Variants in DOCK8 observed in about 807,000 individuals in gnomAD.
DOCK8 encodes dedicator of cytokinesis protein 8.
DOCK8 carries 141 observed loss-of-function variants against 245.6 expected under a neutral mutation model. The observed-to-expected ratio is 0.57, with a 90% CI of 0.50 to 0.66. The LOEUF (loss-of-function observed/expected upper bound fraction) is 0.66. DOCK8 is among the 30% of genes least tolerant of loss of function. The pLI is 0.00. For missense variants in DOCK8, 2,965 were observed against 2,603.4 expected, an observed-to-expected ratio of 1.14 and a Z score of -3.02; for synonymous variants, 1,168 against 970.2, an observed-to-expected ratio of 1.20 and a Z score of -3.79.
intron 25 of DOCK8, among the ~76,000 whole-genome samples, chr9:397,443 C>T (rs530913135): frequency 6.6e-6 from 1 of 151,204 alleles, no homozygotes; most frequent in African/African-American, 2.4e-5. Context: ...AATCCCAGCA[C>T]TTTGGGAGGC....
chr9:450,062 C>A, intron 45 of DOCK8, 135 bp downstream of exon 45: 1 of 896,624 alleles, frequency 1.1e-6, no homozygotes, highest in Non-Finnish European at 1.7e-6. Flanking sequence ...TACACTTAAC[C>A]TGAACACCTG....
chr9:464,274 TG>T lies in DOCK8; in HGVS notation c.*56del. 1 of 1,482,284 alleles carries T rather than the reference TG, an allele frequency of 6.7e-7. No homozygotes were observed. Among genetic ancestry groups the T allele is most frequent in the Non-Finnish European group, 9.4e-7 (1 of 1,059,756 alleles). 91.8% of individuals were successfully genotyped at this position (1,482,284 alleles called of 1,614,324 possible). A position where few individuals can be genotyped will look rare whatever the true frequency, so the allele number is the denominator to read the frequency against. On this transcript the variant is annotated 3_prime_UTR_variant, in exon 48 of 48. Transcript: ENST00000432829. ...GGCCCTGCAACCCTGGAGAAGGACT[TG>T]CTGGTACTTAAAAAATGGGACATTT...
chr9:330,510 T>C (rs547309235), intron 9 of DOCK8, among the ~76,000 whole-genome samples: 4 of 152,314 alleles, frequency 2.6e-5, no homozygotes, highest in African/African-American at 9.6e-5. Flanking sequence ...ATTTGCTGTG[T>C]ATGGTAGCAA....
chr9:402,544 T>C (rs2055160598), intron 26 of DOCK8, among the ~76,000 whole-genome samples: 1 of 152,228 alleles, frequency 6.6e-6, no homozygotes, highest in Non-Finnish European at 1.5e-5. Flanking sequence ...CCCCCATTCG[T>C]GGTGATTTAA....
At chr9:379,103 G>A (rs571178377) in intron 20 of DOCK8, among the ~76,000 whole-genome samples, 1 of 152,218 alleles carries the variant, frequency 6.6e-6, no homozygotes, top group East Asian at 1.9e-4. Flanking sequence ...AGGCATGATG[G>A]GACAATACAA....
chr9:443,540 A>T (rs2057157125), intron 43 of DOCK8, 24 bp downstream of exon 43: 2 of 1,579,030 alleles, frequency 1.3e-6, no homozygotes, highest in East Asian at 2.2e-5. Flanking sequence ...TACAAAAACT[A>T]ACCATCAAGC....
rs528437851 is a variant in DOCK8 at position 370,292 on chromosome 9, C to T, written c.1860C>T (p.Tyr620=). ...FLQEVYTAVT[Y]HNKSPDFYEE... ...AGGAAGTGTACACAGCTGTTACATA[C>T]CATAATAAGTAAGTCTATTTCAGCA... The change falls in exon 16 of 48, where the codon TAC becomes TAT. Residue 620 remains tyrosine (Y), a synonymous_variant. Coordinates refer to ENST00000432829, the MANE Select transcript of DOCK8 (RefSeq NM_203447.4). The T allele has an allele frequency of 1.1e-5, 18 of 1,613,826 alleles. No individual in the cohort carries two copies. The East Asian group carries it at 1.8e-4, about 16-fold the overall frequency.
Position 269,552 on chromosome 9 carries a change from C to CTTTT in DOCK8, c.54-2057_54-2054dup, listed in dbSNP as rs57326015. Reference sequence around the variant, plus strand: ...AGTTTTTGTGGGGAAGTGTGGTTGTCTTTTTTTTTTTTTTTTTTTTTGCAA... The same window carrying CTTTT: ...AGTTTTTGTGGGGAAGTGTGGTTGTCTTTTTTTTTTTTTTTTTTTTTTTTTGCAA... On this transcript the variant is annotated intron_variant, in intron 1 of 47. Transcript: ENST00000432829. 3.2e-3 allele frequency among the ~76,000 whole-genome samples: 334 copies of CTTTT among 104,980 alleles called. 13 individuals are homozygous for CTTTT. Among genetic ancestry groups the CTTTT allele is most frequent in the African/African-American group, 0.011 (309 of 27,552 alleles). 68.9% of individuals were successfully genotyped at this position (104,980 alleles called of 152,430 possible).
At chr9:255,403 C>T (rs1386234702) in intron 1 of DOCK8, among the ~76,000 whole-genome samples, 2 of 152,168 alleles carry the variant, frequency 1.3e-5, no homozygotes, top group East Asian at 1.9e-4. Flanking sequence ...CGCGGTGGCT[C>T]ATGCCTGTAA....
intron 2 of DOCK8, among the ~76,000 whole-genome samples, chr9:285,731 T>C (rs1436366519): frequency 1.3e-5 from 2 of 152,200 alleles, no homozygotes; most frequent in South Asian, 4.1e-4. Context: ...ACTCCCCCTC[T>C]TTCCAACTGT....
At chr9:386,473 G>T (rs1217214941) in intron 23 of DOCK8, 47 bp downstream of exon 23, 2 of 1,545,952 alleles carry the variant, frequency 1.3e-6, no homozygotes, top group Admixed American at 1.7e-5. Flanking sequence ...AAGAACAGAA[G>T]GATTTCCTCA....
At chr9:358,371 G>C (rs1046369968) in intron 14 of DOCK8, among the ~76,000 whole-genome samples, 10 of 152,308 alleles carry the variant, frequency 6.6e-5, no homozygotes, top group Admixed American at 2.6e-4. Flanking sequence ...TGGGATTATA[G>C]GCCTGAGCCA....
intron 12 of DOCK8, among the ~76,000 whole-genome samples, chr9:337,267 G>A (rs1482388245): frequency 3.3e-5 from 5 of 152,118 alleles, no homozygotes; most frequent in African/African-American, 7.2e-5. Context: ...GCCAGAAAAC[G>A]GGAACAATAG....
chr9:421,011 C>A lies in DOCK8; in HGVS notation c.4086C>A (p.Ala1362=), dbSNP rs1316922238. ...TGCAGAAGTCAAGGGATGTCAAGGC[C>A]CGGCTGGAAGAGGCTTTGCTCCGTG... ...QVLQKSRDVK[A]RLEEALLRGE... Residue 1362 remains alanine (A), a synonymous_variant, in exon 32 of 48, where the codon GCC becomes GCA. Coordinates refer to ENST00000432829, the MANE Select transcript of DOCK8 (RefSeq NM_203447.4). The A allele has an allele frequency of 1.9e-6, 3 of 1,614,180 alleles. No homozygotes were observed. In the South Asian group the frequency reaches 3.3e-5, roughly 18 times the overall value.
chr9:231,765 C>T (rs958235911), intron 1 of DOCK8, among the ~76,000 whole-genome samples: 2 of 152,156 alleles, frequency 1.3e-5, no homozygotes, highest in African/African-American at 4.8e-5. Context: ...TGAGACTTTG[C>T]TGAAGTTCCT....
Position 214,922 on chromosome 9 carries a change from G to C in DOCK8, c.-55G>C. The stretch of plus-strand genomic sequence containing the variant: ...TCCGCGGCTACTCTGCGGCGCGCCA[G>C]GCCCCCGCTTTCCGCACCCCGCGAC... On this transcript the variant is annotated 5_prime_UTR_variant, in exon 1 of 48. Transcript: ENST00000432829. 1 of 1,604,376 alleles carries C rather than the reference G, an allele frequency of 6.2e-7. No homozygotes were observed. The highest frequency in any genetic ancestry group is 8.5e-7 in the Non-Finnish European group (1 of 1,177,094).
chr9:338,921 A>T, intron 12 of DOCK8, 85 bp from the exon 13 acceptor site: 1 of 1,094,198 alleles, frequency 9.1e-7, no homozygotes, highest in Non-Finnish European at 1.4e-6. Context: ...TAAAACTTAA[A>T]GGTAAAAATC....
At chr9:439,603 C>G (rs10814920) in intron 40 of DOCK8, among the ~76,000 whole-genome samples, 1 of 152,138 alleles carries the variant, frequency 6.6e-6, no homozygotes, top group Non-Finnish European at 1.5e-5. Context: ...ATCACAGTGC[C>G]GATCTGAGCT....
rs200295708 is a variant in DOCK8, at chr9:368,051, C to G, written c.1713C>G (p.Asn571Lys). Residue 571 changes from asparagine to lysine, a missense_variant, in exon 15 of 48, where the codon AAC becomes AAG. Physicochemically the swap from Asn to Lys is moderately conservative, Grantham distance 94. Coordinates refer to ENST00000432829, the MANE Select transcript of DOCK8 (RefSeq NM_203447.4). ...NLLYVYPQRL[N>K]FVNKLASARN... ...TCTATGTCTACCCACAGAGGCTGAA[C>G]TTTGTAAACAAACTAGCATCAGCCC... The G allele has an allele frequency of 2.5e-6, 4 of 1,614,026 alleles. No homozygotes were observed. Among genetic ancestry groups the G allele is most frequent in the Non-Finnish European group, 3.4e-6 (4 of 1,179,996 alleles).
Sources: gnomAD v4.1 joint callset for allele counts (sites outside exome capture counted in the v4.1 genomes callset) on GRCh38, gnomAD v4.1.1 for gene constraint, MANE v1.5 for transcripts, NCBI Gene and HGNC (gene_info 2026-07-23, HGNC 2026-07-21) for gene names.